Variants in OTOG observed in about 807,000 individuals in gnomAD.
OTOG encodes otogelin.
In OTOG, 296 loss-of-function variants were observed where a neutral mutation model predicts 313.8. The observed-to-expected ratio is 0.94, with a 90% CI of 0.86 to 1.04. The LOEUF (loss-of-function observed/expected upper bound fraction) is 1.04. OTOG is among the 50% of genes least tolerant of loss of function. The pLI is 0.00. For synonymous variants in OTOG, 1,533 were observed against 1,554.9 expected, an observed-to-expected ratio of 0.99 and a Z score of 0.33; for missense variants, 3,948 against 3,840.1, an observed-to-expected ratio of 1.03 and a Z score of -0.74.
intron 15 of OTOG, 50 bp downstream of exon 15, chr11:17,561,857 C>T: frequency 2.6e-6 from 4 of 1,545,988 alleles, no homozygotes; most frequent in Non-Finnish European, 3.5e-6. Flanking sequence ...CTCCTGCCTA[C>T]TGCCCCCAAG....
At chr11:17,603,952 C>T (rs1298434544) in intron 32 of OTOG, among the ~76,000 whole-genome samples, 1 of 152,096 alleles carries the variant, frequency 6.6e-6, no homozygotes, top group East Asian at 1.9e-4. Flanking sequence ...TCTCATGTGC[C>T]GGCACTGTTC....
At position 17,603,535 on chromosome 11, in the gene OTOG, G is replaced by T. The variant is rs75259681; in HGVS notation, c.3877+1158G>T. Reference sequence around the variant, plus strand: ...CGTCACTGGGGGCAGGATGCCAGAGGGGCTCCAGTCCAGGCTCCGTCTCAG... The same window carrying T: ...CGTCACTGGGGGCAGGATGCCAGAGTGGCTCCAGTCCAGGCTCCGTCTCAG... On this transcript the variant is annotated intron_variant, in intron 32 of 55. Transcript: ENST00000399397. Among the ~76,000 whole-genome samples, 867 of 152,230 alleles carry T rather than the reference G, an allele frequency of 5.7e-3. 37 individuals carry two copies. In the East Asian group the frequency reaches 0.11, roughly 19 times the overall value.
intron 20 of OTOG, among the ~76,000 whole-genome samples, chr11:17,575,460 A>T (rs1243720019): frequency 6.6e-6 from 1 of 152,188 alleles, no homozygotes; most frequent in East Asian, 1.9e-4. Context: ...AGGTCTGAGC[A>T]GAGACCTGAG....
Position 17,548,004 on chromosome 11 carries a change from T to C in OTOG, c.155+17T>C. 2.4e-6 allele frequency: 2 copies of C among 822,908 alleles called. No homozygotes were observed. 51.0% of individuals were successfully genotyped at this position (822,908 alleles called of 1,614,324 possible). ...GCAACCCAGGTGAGTAGGTGTGAGCTGTGGCGGCCCCACCCACAGCTCCCA... is the reference window on the plus strand; with the variant it reads ...GCAACCCAGGTGAGTAGGTGTGAGCCGTGGCGGCCCCACCCACAGCTCCCA... On this transcript the variant is annotated intron_variant, in intron 2 of 55. Transcript: ENST00000399397.
At chr11:17,607,231 C>G (rs555012961) in intron 33 of OTOG, among the ~76,000 whole-genome samples, 71 of 152,382 alleles carry the variant, frequency 4.7e-4, no homozygotes, top group Non-Finnish European at 8.2e-4. Context: ...TTCTTTACAG[C>G]TGGCAGCAGT....
chr11:17,640,712 A>G, intron 49 of OTOG, 33 bp from the exon 50 acceptor site: 2 of 1,546,320 alleles, frequency 1.3e-6, no homozygotes, highest in Middle Eastern at 1.7e-4. Context: ...CTGGCCCCCA[A>G]CCCAGGGTGC....
At chr11:17,566,917 G>A (rs1852303964) in intron 15 of OTOG, among the ~76,000 whole-genome samples, 3 of 151,970 alleles carry the variant, frequency 2.0e-5, no homozygotes, top group South Asian at 2.1e-4. Flanking sequence ...CCCCTCCTAC[G>A]TGATTTTTAG....
intron 39 of OTOG, among the ~76,000 whole-genome samples, chr11:17,616,953 G>A (rs1395789434): frequency 6.6e-6 from 1 of 152,196 alleles, no homozygotes; most frequent in African/African-American, 2.4e-5. Context: ...AAGGCATTCA[G>A]TCTTTCACTG....
At chr11:17,599,826 C>T (rs1853204490) in intron 31 of OTOG, 129 bp downstream of exon 31, 2 of 1,100,650 alleles carry the variant, frequency 1.8e-6, no homozygotes, top group Non-Finnish European at 2.6e-6. Flanking sequence ...AATGGGAGGG[C>T]CCCCATCATG....
At position 17,596,938 on chromosome 11, in the gene OTOG, G is replaced by A. The variant is rs538001611; in HGVS notation, c.3613G>A (p.Val1205Ile). The A allele has an allele frequency of 3.7e-5, 57 of 1,550,740 alleles. 2 individuals carry two copies. The Admixed American group carries it at 5.3e-4, about 14-fold the overall frequency. Residue 1205 changes from valine (V) to isoleucine (I), a missense_variant, in exon 30 of 56, where the codon GTC (valine) becomes ATC (isoleucine). Physicochemically the swap from Val to Ile is conservative, Grantham distance 29. Transcript: ENST00000399397. ...GGDCECFCASVSAYAHQCCQH... is the reference protein window; with the variant it reads ...GGDCECFCASISAYAHQCCQH... ...TGACTGTGAGTGCTTCTGTGCCAGC[G>A]TCTCCGCTTATGCCCACCAGTGTTG...
At position 17,645,889 on chromosome 11, in the gene OTOG, C is replaced by T. The variant is rs1263173740; in HGVS notation, c.8687C>T (p.Thr2896Ile). 6.4e-7 allele frequency: 1 copy of T among 1,550,612 alleles called. No individual in the cohort carries two copies. Among genetic ancestry groups the T allele is most frequent in the Non-Finnish European group, 8.7e-7 (1 of 1,147,012 alleles). ...SVQLFCATNA[T>I]WVPYTVQEPT... ...CAGCTCTTCTGTGCCACCAATGCCA[C>T]CTGGGTGCCCTATACAGTGCAGGAG... The change falls in exon 56 of 56, where the codon ACC becomes ATC. Residue 2896 changes from threonine to isoleucine, a missense_variant. Coordinates refer to ENST00000399397, the MANE Select transcript of OTOG (RefSeq NM_001292063.2).
Position 17,557,243 on chromosome 11 carries a change from G to A in OTOG, c.785G>A (p.Ser262Asn), listed in dbSNP as rs755153183. 6.9e-5 allele frequency: 107 copies of A among 1,550,544 alleles called. No individual in the cohort carries two copies. The highest frequency in any genetic ancestry group is 8.9e-5 in the Non-Finnish European group (102 of 1,147,024). Reference sequence around the variant, plus strand: ...GCCTCGGCTGTCTACATCAAGATGAGTCCAGAGCTTCTGGGCTGGACCCAT... The same window carrying A: ...GCCTCGGCTGTCTACATCAAGATGAATCCAGAGCTTCTGGGCTGGACCCAT... ...DGASAVYIKM[S>N]PELLGWTHGL... The change falls in exon 8 of 56, where the codon AGT (serine) becomes AAT (asparagine). Residue 262 changes from serine to asparagine, a missense_variant. Ser to Asn is a conservative substitution (Grantham distance 46, BLOSUM62 1). Coordinates refer to ENST00000399397, the MANE Select transcript of OTOG (RefSeq NM_001292063.2).
intron 20 of OTOG, among the ~76,000 whole-genome samples, chr11:17,575,937 G>A (rs964060558): frequency 3.9e-5 from 6 of 152,136 alleles, no homozygotes; most frequent in South Asian, 4.1e-4. Context: ...GCCTATAATC[G>A]GCAGGTTCTG....
intron 39 of OTOG, among the ~76,000 whole-genome samples, chr11:17,616,384 A>G (rs950303489): frequency 6.6e-6 from 1 of 152,202 alleles, no homozygotes; most frequent in Non-Finnish European, 1.5e-5. Flanking sequence ...TTAACTTTTC[A>G]TAGAAATTTA....
intron 15 of OTOG, among the ~76,000 whole-genome samples, chr11:17,568,783 A>G (rs1852344523): frequency 6.6e-6 from 1 of 151,846 alleles, no homozygotes; most frequent in East Asian, 1.9e-4. Context: ...TGAATTATAA[A>G]AACACCCACA....
chr11:17,596,982 T>G lies in OTOG; in HGVS notation c.3657T>G (p.Val1219=). Residue 1219 remains valine (V), a synonymous_variant, in exon 30 of 56, where the codon GTT becomes GTG. Coordinates refer to ENST00000399397, the MANE Select transcript of OTOG (RefSeq NM_001292063.2). The part of the protein sequence containing the change: ...AHQCCQHGVA[V]DWRTPRLCPY... ...AGTGTTGCCAGCATGGGGTGGCTGT[T>G]GACTGGCGAACCCCCCGCCTCTGCC... The G allele has an allele frequency of 6.5e-7, 1 of 1,550,362 alleles. No individual in the cohort carries two copies. The highest frequency in any genetic ancestry group is 1.2e-5 in the South Asian group (1 of 84,056).
chr11:17,575,947 G>A lies in OTOG; in HGVS notation c.2487-609G>A, dbSNP rs975625676. ...CACGTGCCTATAATCGGCAGGTTCTGTGGGAGCTGTGTGAGGAGGAAACAT... is the reference window on the plus strand; with the variant it reads ...CACGTGCCTATAATCGGCAGGTTCTATGGGAGCTGTGTGAGGAGGAAACAT... On this transcript the variant is annotated intron_variant, in intron 20 of 55. Transcript: ENST00000399397. Among the ~76,000 whole-genome samples, 5 of 152,338 alleles carry A rather than the reference G, an allele frequency of 3.3e-5. 1 individual carries two copies. Among genetic ancestry groups the A allele is most frequent in the Admixed American group, 1.3e-4 (2 of 15,310 alleles).
rs762613093 is a variant in OTOG at position 17,640,768 on chromosome 11, G to A, written c.7959G>A (p.Glu2653=). ...AGTGGGAGAAATCCCAGCTGGATGA[G>A]GAGTTCATGCACAGCGTGGAGAATG... The part of the protein sequence containing the change: ...CHLWEKSQLD[E]EFMHSVENVC... The change falls in exon 50 of 56, where the codon GAG becomes GAA. Residue 2653 remains glutamate, a synonymous_variant. Coordinates refer to ENST00000399397, the MANE Select transcript of OTOG (RefSeq NM_001292063.2). 80 of 1,550,194 alleles carry A rather than the reference G, an allele frequency of 5.2e-5. 1 individual carries two copies. The East Asian group carries it at 1.9e-3, about 36-fold the overall frequency.
intron 47 of OTOG, among the ~76,000 whole-genome samples, chr11:17,636,420 T>G (rs984569807): frequency 1.3e-5 from 2 of 152,218 alleles, no homozygotes; most frequent in African/African-American, 4.8e-5. Flanking sequence ...AAAATTGCTT[T>G]GCACACTGAT....
Sources: gnomAD v4.1 joint callset for allele counts (sites outside exome capture counted in the v4.1 genomes callset) on GRCh38, gnomAD v4.1.1 for gene constraint, MANE v1.5 for transcripts, NCBI Gene and HGNC (gene_info 2026-07-23, HGNC 2026-07-21) for gene names.